Variants in EFCAB10 observed in about 807,000 individuals in gnomAD.
The protein encoded by EFCAB10 is EF-hand calcium binding domain 10.
EFCAB10 carries 7 observed loss-of-function variants against 7.7 expected under a neutral mutation model. The observed-to-expected ratio is 0.91, with a 90% CI of 0.52 to 1.72. EFCAB10 has a LOEUF of 1.72. Among genes scored for constraint, EFCAB10 ranks in the 40% most tolerant of loss-of-function variants. EFCAB10 has a pLI of 0.00. For missense variants in EFCAB10, 112 were observed against 61.5 expected (o/e 1.82, Z -2.74); for synonymous variants, 52 against 21.0 (o/e 2.47, Z -4.03).
Position 105,565,445 on chromosome 7 carries a change from C to T in EFCAB10, c.*2G>A. ...TGCTTGTAGAGAAGCTGGATGTATA[C>T]ATCTACCAAGAAGTAAGTAAGAATA... is the stretch of plus-strand genomic sequence containing the variant. On this transcript the variant is annotated splice_region_variant and 3_prime_UTR_variant, in exon 5 of 5. Transcript: ENST00000480514. 1.2e-6 allele frequency: 2 copies of T among 1,613,952 alleles called. No individual in the cohort carries two copies. Among genetic ancestry groups the T allele is most frequent in the South Asian group, 1.1e-5 (1 of 91,088 alleles).
chr7:105,577,052 TAAAAA>T (rs113658971), intron 1 of EFCAB10, among the ~76,000 whole-genome samples: 1 of 144,728 alleles, frequency 6.9e-6, no homozygotes, highest in Non-Finnish European at 1.5e-5. Context: ...AACTCCGTCT[TAAAAA>T]AAAAAAAAAG....
chr7:105,578,099 A>C (rs557027732), intron 1 of EFCAB10, among the ~76,000 whole-genome samples: 3 of 152,190 alleles, frequency 2.0e-5, no homozygotes, highest in Non-Finnish European at 4.4e-5. Flanking sequence ...ATCATGTTTA[A>C]GATACCCGTA....
rs767516791 is a variant in EFCAB10 at position 105,565,627 on chromosome 7, G to A, written c.*-180C>T. ...CCTTTGTTTTCTCACTATTGCAAGA[G>A]ACCAGAAAATTATTTTAAACAGTAA... On this transcript the variant is annotated intron_variant, in intron 4 of 4. Transcript: ENST00000480514. 2.2e-5 allele frequency: 36 copies of A among 1,607,908 alleles called. No individual in the cohort carries two copies. The Admixed American group carries it at 6.0e-4, about 27-fold the overall frequency.
intron 1 of EFCAB10, among the ~76,000 whole-genome samples, chr7:105,578,385 A>C (rs972498416): frequency 3.9e-5 from 6 of 152,218 alleles, no homozygotes; most frequent in African/African-American, 1.4e-4. Flanking sequence ...ACATATCAAG[A>C]TGTAAAGTAA....
chr7:105,566,113 AC>A (rs1189091669), intron 4 of EFCAB10, among the ~76,000 whole-genome samples: 324 of 24,226 alleles, frequency 0.013, 2 homozygotes, highest in African/African-American at 0.036. Flanking sequence ...TACTAAAAAT[AC>A]CAAAAAAAAA....
chr7:105,574,934 T>TAAAAAAAAA (rs1209254689), intron 1 of EFCAB10, among the ~76,000 whole-genome samples: 5 of 103,554 alleles, frequency 4.8e-5, no homozygotes, highest in East Asian at 2.9e-4. Flanking sequence ...TATCCCTACT[T>TAAAAAAAAA]AAAAAAAAAA....
At chr7:105,581,156 G>A (rs963732356) in intron 1 of EFCAB10, among the ~76,000 whole-genome samples, 2 of 152,170 alleles carry the variant, frequency 1.3e-5, no homozygotes, top group Non-Finnish European at 2.9e-5. Context: ...TCGCCACCAG[G>A]AGGTGGAGGT....
At chr7:105,565,480 T>C in intron 4 of EFCAB10, 33 bp from the exon 5 acceptor site, 1 of 1,610,946 alleles carries the variant, frequency 6.2e-7, no homozygotes, top group Non-Finnish European at 8.5e-7. Context: ...AGACTGTTTT[T>C]GGGCTGTGAT....
intron 4 of EFCAB10, 159 bp downstream of exon 4, chr7:105,567,308 A>G: frequency 6.3e-7 from 1 of 1,580,838 alleles, no homozygotes; most frequent in Admixed American, 1.9e-5. Flanking sequence ...ATACTGGAAA[A>G]TAATGTCTTT....
chr7:105,578,033 G>A (rs547528615), intron 1 of EFCAB10, among the ~76,000 whole-genome samples: 1 of 152,230 alleles, frequency 6.6e-6, no homozygotes, highest in African/African-American at 2.4e-5. Context: ...CAAAGTGCTG[G>A]GATTATAGGC....
intron 1 of EFCAB10, among the ~76,000 whole-genome samples, chr7:105,574,187 C>CAT (rs533038843): frequency 0.02 from 265 of 13,506 alleles, no homozygotes; most frequent in Admixed American, 0.09. Context: ...TGTATATATA[C>CAT]ACACACACGT....
At chr7:105,567,544 G>A (rs1397744291) in intron 3 of EFCAB10, 54 bp from the exon 4 acceptor site, 2 of 673,974 alleles carry the variant, frequency 3.0e-6, no homozygotes, top group Non-Finnish European at 5.3e-6. Flanking sequence ...CTATTTACAA[G>A]TATAAATGCT....
chr7:105,568,116 T>C (rs1171231631), intron 3 of EFCAB10, among the ~76,000 whole-genome samples: 1 of 152,230 alleles, frequency 6.6e-6, no homozygotes, highest in Non-Finnish European at 1.5e-5. Flanking sequence ...TGGGCAACCC[T>C]TTCTTTCTGG....
At chr7:105,580,153 G>GT (rs1026394017) in intron 1 of EFCAB10, among the ~76,000 whole-genome samples, 6 of 151,956 alleles carry the variant, frequency 3.9e-5, no homozygotes, top group African/African-American at 1.4e-4. Flanking sequence ...GTGCAGCTAA[G>GT]TTTTTTTATT....
chr7:105,578,667 G>C (rs1006499195), intron 1 of EFCAB10, among the ~76,000 whole-genome samples: 1 of 152,188 alleles, frequency 6.6e-6, no homozygotes, highest in African/African-American at 2.4e-5. Flanking sequence ...AGTATCTGAT[G>C]ACATATGACA....
At chr7:105,579,582 C>A (rs192464146) in intron 1 of EFCAB10, among the ~76,000 whole-genome samples, 1 of 152,232 alleles carries the variant, frequency 6.6e-6, no homozygotes, top group South Asian at 2.1e-4. Context: ...ATTCTGAATA[C>A]TGAGGATATC....
intron 3 of EFCAB10, 93 bp from the exon 4 acceptor site, chr7:105,567,583 T>G: frequency 1.7e-6 from 1 of 598,012 alleles, no homozygotes; most frequent in South Asian, 2.1e-5. Context: ...CGAGCAGAGA[T>G]ATTAAATTAT....
chr7:105,575,330 A>G (rs1181817808), intron 1 of EFCAB10, among the ~76,000 whole-genome samples: 3 of 152,032 alleles, frequency 2.0e-5, no homozygotes, highest in South Asian at 2.1e-4. Flanking sequence ...TATTTTTTAG[A>G]TGAAGTCTCA....
At chr7:105,579,653 T>C (rs948907054) in intron 1 of EFCAB10, among the ~76,000 whole-genome samples, 2 of 152,174 alleles carry the variant, frequency 1.3e-5, no homozygotes, top group Non-Finnish European at 2.9e-5. Flanking sequence ...GTATGAGGTG[T>C]GTGTTTAAGA....
Sources: allele counts gnomAD v4.1 joint callset (sites outside exome capture counted in the v4.1 genomes callset), GRCh38; gene constraint gnomAD v4.1.1; transcripts MANE v1.5; gene names NCBI Gene and HGNC (gene_info 2026-07-23, HGNC 2026-07-21).